ZNF568: variants seen among roughly 807,000 people sequenced by gnomAD.
ZNF568 encodes p53 inhibitor of SCO2 activation.
In ZNF568, 11 loss-of-function variants were observed where a neutral mutation model predicts 18.1. The observed-to-expected ratio is 0.61, with a 90% CI of 0.38 to 1.00. The LOEUF is 1.00. ZNF568 is among the 50% of genes least tolerant of loss of function. ZNF568 has a pLI of 0.01. For missense variants in ZNF568, 639 were observed against 768.2 expected, an observed-to-expected ratio of 0.83 and a Z score of 1.99; for synonymous variants, 213 against 246.6, an observed-to-expected ratio of 0.86 and a Z score of 1.28.
chr19:36,951,834 G>T lies in ZNF568; in HGVS notation c.*746G>T. 3 of 475,072 alleles carry T rather than the reference G, an allele frequency of 6.3e-6. No individual in the cohort carries two copies. Among genetic ancestry groups the T allele is most frequent in the Non-Finnish European group, 8.2e-6 (3 of 364,584 alleles). 29.4% of individuals were successfully genotyped at this position (475,072 alleles called of 1,614,324 possible). A position where few individuals can be genotyped will look rare whatever the true frequency, so the allele number is the denominator to read the frequency against. ...AGTAGAGACGGGGTTTCACCATGTTGGCCAGGGTAGTCTTGAACTCCTGAC... is the reference window on the plus strand; with the variant it reads ...AGTAGAGACGGGGTTTCACCATGTTTGCCAGGGTAGTCTTGAACTCCTGAC... On this transcript the variant is annotated 3_prime_UTR_variant, in exon 7 of 7. Coordinates refer to ENST00000333987, the MANE Select transcript of ZNF568 (RefSeq NM_198539.4).
chr19:36,997,376 C>T (rs1441091730), downstream of ZNF568: 37 of 1,593,042 alleles, frequency 2.3e-5, no homozygotes, highest in Non-Finnish European at 3.1e-5. Flanking sequence ...GGTGAAAAAC[C>T]CTATGAGTGT....
chr19:36,990,478 G>A (rs1440321543), intron 2 of ZNF568, among the ~76,000 whole-genome samples: 1 of 152,156 alleles, frequency 6.6e-6, no homozygotes, highest in Non-Finnish European at 1.5e-5. Flanking sequence ...AGCCAGATGT[G>A]GTGGCCCATG....
At chr19:36,931,912 G>A (rs2073693010) in intron 4 of ZNF568, among the ~76,000 whole-genome samples, 1 of 152,146 alleles carries the variant, frequency 6.6e-6, no homozygotes, top group South Asian at 2.1e-4. Context: ...AGGCTCTGAT[G>A]TAGGCAAGAA....
At chr19:36,939,255 T>C (rs1310979351) in intron 6 of ZNF568, among the ~76,000 whole-genome samples, 1 of 152,220 alleles carries the variant, frequency 6.6e-6, no homozygotes, top group African/African-American at 2.4e-5. Context: ...TGTTCAGCCC[T>C]GCCTTTGTAC....
intron 6 of ZNF568, among the ~76,000 whole-genome samples, chr19:36,938,531 A>G (rs535472775): frequency 1.3e-5 from 2 of 152,326 alleles, no homozygotes; most frequent in East Asian, 3.9e-4. Context: ...AGTATACCAA[A>G]CAAAATCCTG....
intron 6 of ZNF568, among the ~76,000 whole-genome samples, chr19:36,974,234 C>T (rs1005926977): frequency 6.6e-6 from 1 of 152,086 alleles, no homozygotes; most frequent in Non-Finnish European, 1.5e-5. Flanking sequence ...GGGGGCTCTC[C>T]CAGGACTTCT....
At position 36,952,159 on chromosome 19, in the gene ZNF568, A is replaced by G. The variant is rs1032560702; in HGVS notation, c.*1071A>G. ...ATATATATAATATATGTATGTATGT[A>G]TAGCCAGATGCAGTGGCACATGCCT... On this transcript the variant is annotated 3_prime_UTR_variant, in exon 7 of 7. Transcript: ENST00000333987. 2 of 552,386 alleles carry G rather than the reference A, an allele frequency of 3.6e-6. No individual in the cohort carries two copies. Among genetic ancestry groups the G allele is most frequent in the African/African-American group, 4.2e-5 (2 of 48,024 alleles). 34.2% of individuals were successfully genotyped at this position (552,386 alleles called of 1,614,324 possible). A position where few individuals can be genotyped will look rare whatever the true frequency, so the allele number is the denominator to read the frequency against.
At chr19:36,918,249 T>G (rs2073387423) in intron 2 of ZNF568, among the ~76,000 whole-genome samples, 1 of 152,180 alleles carries the variant, frequency 6.6e-6, no homozygotes, top group African/African-American at 2.4e-5. Flanking sequence ...CAGCCTATTC[T>G]CTTCTAGTTT....
At chr19:36,927,811 AAAATATAT>A (rs2073581669) in intron 4 of ZNF568, among the ~76,000 whole-genome samples, 2 of 131,048 alleles carry the variant, frequency 1.5e-5, no homozygotes, top group South Asian at 4.8e-4. Flanking sequence ...ATATATATAA[AAAATATAT>A]AAATATATAT....
chr19:36,957,219 CTTTTTTTTTTTT>C (rs56712509), downstream of ZNF568, among the ~76,000 whole-genome samples: 74 of 69,574 alleles, frequency 1.1e-3, no homozygotes, highest in African/African-American at 1.7e-3. Flanking sequence ...CCAGACTGTT[CTTTTTTTTTTTT>C]TTTTTTTTTT....
chr19:36,981,184 G>C (rs574683750), downstream of ZNF568, among the ~76,000 whole-genome samples: 8 of 152,178 alleles, frequency 5.3e-5, no homozygotes, highest in South Asian at 1.7e-3. Context: ...TTTCTAATCT[G>C]TCCGTCCGTT....
At chr19:36,981,951 T>C (rs1418358533), downstream of ZNF568, among the ~76,000 whole-genome samples, 2 of 148,866 alleles carry the variant, frequency 1.3e-5, no homozygotes, top group Admixed American at 6.7e-5. Context: ...TTTTTTTTTT[T>C]CTTAAAACTC....
intron 4 of ZNF568, among the ~76,000 whole-genome samples, chr19:36,928,667 A>G (rs1361123302): frequency 1.3e-5 from 2 of 152,200 alleles, no homozygotes; most frequent in African/African-American, 2.4e-5. Context: ...CACAAGAATG[A>G]TTGAAATATG....
chr19:36,997,386 TAAGGAATGTGAA>T, downstream of ZNF568: 1 of 1,591,050 alleles, frequency 6.3e-7, no homozygotes. Flanking sequence ...CCTATGAGTG[TAAGGAATGTGAA>T]AAGGCCTTTA....
chr19:36,919,572 G>A (rs2073415282), intron 2 of ZNF568, among the ~76,000 whole-genome samples: 1 of 152,144 alleles, frequency 6.6e-6, no homozygotes, highest in African/African-American at 2.4e-5. Flanking sequence ...ACTCCTGTAA[G>A]GCTGTAATGC....
chr19:36,924,376 G>A (rs949334890), intron 3 of ZNF568, among the ~76,000 whole-genome samples: 5 of 151,520 alleles, frequency 3.3e-5, no homozygotes, highest in South Asian at 4.2e-4. Context: ...ACGCCACTAC[G>A]CCCAGCGAAT....
rs1406918598 is a variant in ZNF568, at chr19:36,949,809, T to C, written c.656T>C (p.Val219Ala). 5 of 1,613,994 alleles carry C rather than the reference T, an allele frequency of 3.1e-6. No homozygotes were observed. Among genetic ancestry groups the C allele is most frequent in the Non-Finnish European group, 4.2e-6 (5 of 1,179,948 alleles). ...KPFYHCASYVVTPFKCNQCGQ... is the reference protein window; with the variant it reads ...KPFYHCASYVATPFKCNQCGQ... ...TTTTACCATTGTGCATCCTATGTTG[T>C]AACCCCCTTTAAGTGTAATCAGTGT... Residue 219 changes from valine to alanine, a missense_variant, in exon 7 of 7, where the codon GTA (valine) becomes GCA (alanine). Physicochemically the swap from Val to Ala is moderately conservative, Grantham distance 64. Coordinates refer to ENST00000333987, the MANE Select transcript of ZNF568 (RefSeq NM_198539.4).
At chr19:36,970,331 T>C (rs550694764) in intron 6 of ZNF568, among the ~76,000 whole-genome samples, 2 of 121,966 alleles carry the variant, frequency 1.6e-5, no homozygotes, top group East Asian at 4.0e-4. Flanking sequence ...GGCCTGTCTT[T>C]ATTGAATTTC....
intron 4 of ZNF568, among the ~76,000 whole-genome samples, chr19:36,927,081 T>G (rs766585514): frequency 2.6e-5 from 4 of 152,248 alleles, no homozygotes; most frequent in Non-Finnish European, 5.9e-5. Flanking sequence ...GACTTAGGAT[T>G]TATGCAGCTA....
Sources: allele counts gnomAD v4.1 joint callset (sites outside exome capture counted in the v4.1 genomes callset), GRCh38; gene constraint gnomAD v4.1.1; transcripts MANE v1.5; gene names NCBI Gene and HGNC (gene_info 2026-07-23, HGNC 2026-07-21).